The following CSMD1 variants were observed in gnomAD, a reference collection of about 807,000 sequenced individuals.
The protein encoded by CSMD1 is CUB and sushi domain-containing protein 1.
In CSMD1, 213 loss-of-function variants were observed where a neutral mutation model predicts 417.5. The ratio of observed to expected loss-of-function variants is 0.51; its 90% CI spans 0.46 to 0.57. The LOEUF is 0.57. Among genes scored for constraint, CSMD1 ranks in the 20% least tolerant of loss-of-function variants. The probability of loss-of-function intolerance (pLI) is 0.00; values close to 1 mark genes in which losing one functional copy is unlikely to be tolerated. For synonymous variants in CSMD1, 2,862 were observed against 1,736.8 expected (o/e 1.65, Z -16.11); for missense variants, 6,923 against 4,529.7 (o/e 1.53, Z -15.17).
At chr8:4,632,118 T>G (rs1802553847) in intron 2 of CSMD1, among the ~76,000 whole-genome samples, 1 of 152,348 alleles carries the variant, frequency 6.6e-6, no homozygotes, top group Non-Finnish European at 1.5e-5. Flanking sequence ...GATGGTTGAC[T>G]CACATTCATT....
chr8:3,544,368 A>ACATCTC (rs1242444068), intron 10 of CSMD1, among the ~76,000 whole-genome samples: 1 of 152,200 alleles, frequency 6.6e-6, no homozygotes, highest in African/African-American at 2.4e-5. Flanking sequence ...GTAGCAAAGA[A>ACATCTC]CATCTCCCCT....
intron 69 of CSMD1, among the ~76,000 whole-genome samples, chr8:2,941,575 C>T (rs1801876464): frequency 6.6e-6 from 1 of 152,086 alleles, no homozygotes; most frequent in Non-Finnish European, 1.5e-5. Flanking sequence ...ATAGTTCCTC[C>T]AAAATAATTC....
At chr8:3,399,575 G>A (rs12677127) in intron 15 of CSMD1, 46 bp from the exon 16 acceptor site, 3 of 1,454,448 alleles carry the variant, frequency 2.1e-6, no homozygotes, top group Admixed American at 2.3e-5. Context: ...GAGACAGAAG[G>A]ATATGCCATA....
At chr8:4,976,684 C>G (rs6983861) in intron 1 of CSMD1, among the ~76,000 whole-genome samples, 7,975 of 152,178 alleles carry the variant, frequency 0.052, 657 homozygotes, top group African/African-American at 0.18. Context: ...GTATTTTACT[C>G]CAGCATTTTT....
chr8:4,783,877 G>A (rs1188852189), intron 1 of CSMD1, among the ~76,000 whole-genome samples: 5 of 152,038 alleles, frequency 3.3e-5, no homozygotes, highest in Non-Finnish European at 4.4e-5. Flanking sequence ...ACTTTATGTC[G>A]GCTTTTGTGA....
At chr8:3,800,349 T>C (rs1478388262) in intron 5 of CSMD1, among the ~76,000 whole-genome samples, 1 of 152,078 alleles carries the variant, frequency 6.6e-6, no homozygotes, top group African/African-American at 2.4e-5. Flanking sequence ...AATATTATTG[T>C]TCCGGAAGTG....
chr8:3,344,899 T>C lies in CSMD1; in HGVS notation c.3475-1449A>G, dbSNP rs541199241. Among the ~76,000 whole-genome samples, 5 of 152,314 alleles carry C rather than the reference T, an allele frequency of 3.3e-5. No homozygotes were observed. In the South Asian group the frequency reaches 1.0e-3, roughly 32 times the overall value. ...ATCAGATACTCTCTAATCTCCTTACTAAAAGACTATTGACCCAGGTCATTG... is the reference window on the plus strand; with the variant it reads ...ATCAGATACTCTCTAATCTCCTTACCAAAAGACTATTGACCCAGGTCATTG... On this transcript the variant is annotated intron_variant, in intron 22 of 69. Coordinates refer to ENST00000635120, the MANE Select transcript of CSMD1 (RefSeq NM_033225.6).
intron 2 of CSMD1, among the ~76,000 whole-genome samples, chr8:4,452,385 C>A (rs570980129): frequency 6.6e-6 from 1 of 152,150 alleles, no homozygotes. Flanking sequence ...GGCGTAGCCT[C>A]GAGGGCTTGG....
At chr8:4,349,096 T>A (rs1472961490) in intron 3 of CSMD1, among the ~76,000 whole-genome samples, 1 of 152,222 alleles carries the variant, frequency 6.6e-6, no homozygotes, top group Non-Finnish European at 1.5e-5. Flanking sequence ...AATTACAAAA[T>A]GAGCTGAAGT....
chr8:3,476,127 G>A (rs1817399305), intron 11 of CSMD1, among the ~76,000 whole-genome samples: 1 of 152,180 alleles, frequency 6.6e-6, no homozygotes, highest in Non-Finnish European at 1.5e-5. Context: ...AAGACTATTT[G>A]AGTCCAGGAG....
chr8:4,694,353 A>ATT (rs548593918), intron 1 of CSMD1, among the ~76,000 whole-genome samples: 39 of 151,462 alleles, frequency 2.6e-4, no homozygotes, highest in African/African-American at 9.0e-4. Context: ...TCTTTTTTTT[A>ATT]TTTTTTTTAT....
intron 3 of CSMD1, among the ~76,000 whole-genome samples, chr8:4,068,423 G>A (rs565329464): frequency 5.3e-5 from 8 of 152,052 alleles, no homozygotes; most frequent in Non-Finnish European, 8.8e-5. Context: ...TGAAAAGCAC[G>A]GTTACAGAAA....
chr8:4,316,659 T>A (rs1209144788), intron 3 of CSMD1, among the ~76,000 whole-genome samples: 1 of 152,058 alleles, frequency 6.6e-6, no homozygotes, highest in African/African-American at 2.4e-5. Flanking sequence ...TGTGTCAAGA[T>A]GAAGGACTCA....
chr8:3,608,428 T>A (rs1453985769), intron 8 of CSMD1, among the ~76,000 whole-genome samples: 1 of 152,052 alleles, frequency 6.6e-6, no homozygotes, highest in East Asian at 1.9e-4. Context: ...TTCAGCATCT[T>A]TGAAATGTTC....
intron 32 of CSMD1, 43 bp from the exon 33 acceptor site, chr8:3,199,852 C>T (rs192352838): frequency 9.9e-5 from 120 of 1,208,134 alleles, no homozygotes; most frequent in Middle Eastern, 1.9e-4. Context: ...CACACAGCAC[C>T]GTGGGGGACG....
chr8:4,396,716 A>G (rs934191106), intron 3 of CSMD1, among the ~76,000 whole-genome samples: 1 of 152,144 alleles, frequency 6.6e-6, no homozygotes, highest in Non-Finnish European at 1.5e-5. Flanking sequence ...GAATGAAATC[A>G]TGGCATTTGC....
At chr8:4,850,915 CTT>C (rs539173376) in intron 1 of CSMD1, among the ~76,000 whole-genome samples, 5 of 147,554 alleles carry the variant, frequency 3.4e-5, no homozygotes, top group South Asian at 2.2e-4. Context: ...TGCCCCCCCA[CTT>C]TTTGTGGTTA....
At chr8:4,238,217 A>G (rs986783493) in intron 3 of CSMD1, among the ~76,000 whole-genome samples, 2 of 152,150 alleles carry the variant, frequency 1.3e-5, no homozygotes, top group Admixed American at 6.5e-5. Flanking sequence ...CCCACCCTAT[A>G]AAATGGGCTG....
intron 6 of CSMD1, among the ~76,000 whole-genome samples, chr8:3,747,225 C>T (rs1040496074): frequency 2.6e-5 from 4 of 152,126 alleles, no homozygotes; most frequent in Non-Finnish European, 5.9e-5. Context: ...CTCCATTTCT[C>T]GCATGAGAGT....
Sources: gnomAD v4.1 joint callset for allele counts (sites outside exome capture counted in the v4.1 genomes callset) on GRCh38, gnomAD v4.1.1 for gene constraint, MANE v1.5 for transcripts, NCBI Gene and HGNC (gene_info 2026-07-23, HGNC 2026-07-21) for gene names.